BNIP5: variants seen among roughly 807,000 people sequenced by gnomAD.
BNIP5 encodes the protein BCL2 interacting protein 5, also known as protein BNIP5.
Under a neutral mutation model 67.3 loss-of-function variants are expected in BNIP5, and 61 were observed. The ratio of observed to expected loss-of-function variants is 0.91; its 90% CI spans 0.74 to 1.12. The LOEUF (loss-of-function observed/expected upper bound fraction) is 1.12, where lower values mean the gene tolerates loss of function less well. Among genes scored for constraint, BNIP5 ranks in the 50% most tolerant of loss-of-function variants. The probability of loss-of-function intolerance (pLI) is 0.00; values close to 1 mark genes in which losing one functional copy is unlikely to be tolerated. For synonymous variants in BNIP5, 317 were observed against 319.0 expected (o/e 0.99, Z 0.07); for missense variants, 826 against 816.3 (o/e 1.01, Z -0.14).
chr6:36,326,921 C>T, intron 4 of BNIP5, 109 bp downstream of exon 4: 11 of 1,393,052 alleles, frequency 7.9e-6, no homozygotes, highest in Non-Finnish European at 1.1e-5. Flanking sequence ...AAGGAGGCTT[C>T]AGGGAAGGAA....
chr6:36,330,866 C>T (rs560732696), intron 1 of BNIP5, among the ~76,000 whole-genome samples, 172 bp from the exon 2 acceptor site: 105 of 152,276 alleles, frequency 6.9e-4, no homozygotes, highest in African/African-American at 2.0e-3. Flanking sequence ...TGGGTTCAAG[C>T]GATTCTCCTG....
chr6:36,335,257 T>A (rs866770930), intron 1 of BNIP5, among the ~76,000 whole-genome samples: 2 of 152,316 alleles, frequency 1.3e-5, no homozygotes, highest in South Asian at 4.1e-4. Flanking sequence ...CTCTAACTGC[T>A]CTGGTGCCTT....
At chr6:36,333,874 G>T (rs1771957238) in intron 1 of BNIP5, among the ~76,000 whole-genome samples, 1 of 152,246 alleles carries the variant, frequency 6.6e-6, no homozygotes, top group Admixed American at 6.5e-5. Flanking sequence ...AGGGAAAATT[G>T]GATGGGGTTG....
intron 1 of BNIP5, among the ~76,000 whole-genome samples, chr6:36,333,186 G>A (rs963361082): frequency 2.0e-4 from 31 of 152,238 alleles, no homozygotes; most frequent in Admixed American, 1.2e-3. Context: ...GCACCAGTAT[G>A]GGAAGGAAAC....
chr6:36,320,828 G>A (rs1353225854), intron 10 of BNIP5, among the ~76,000 whole-genome samples: 1 of 152,202 alleles, frequency 6.6e-6, no homozygotes, highest in African/African-American at 2.4e-5. Context: ...CCAGGTGTGG[G>A]CGGAGGAGGC....
chr6:36,319,827 C>T (rs1323381044), intron 10 of BNIP5, among the ~76,000 whole-genome samples: 1 of 152,200 alleles, frequency 6.6e-6, no homozygotes, highest in Non-Finnish European at 1.5e-5. Context: ...GGTGGAAGTA[C>T]AGGTCTTTAG....
Position 36,328,627 on chromosome 6 carries a change from T to C in BNIP5, c.698A>G (p.Gln233Arg), listed in dbSNP as rs373728849. The C allele has an allele frequency of 3.1e-6, 5 of 1,613,794 alleles. No homozygotes were observed. Among genetic ancestry groups the C allele is most frequent in the Non-Finnish European group, 4.2e-6 (5 of 1,179,764 alleles). ...AGGCTTTTTGAGCTCCTCTTCTTGC[T>C]GATGACCTGTGGCATGGGGAGAAAC... is the stretch of plus-strand genomic sequence containing the variant. The part of the protein sequence containing the change: ...LDVSPHATGH[Q>R]QEEELKKPDQ... The change falls in exon 3 of 12, where the codon CAG (glutamine) becomes CGG (arginine). Residue 233 changes from glutamine (Q) to arginine (R), a missense_variant. Transcript: ENST00000437635.
In BNIP5 at chr6:36,330,446, C is replaced by G; in HGVS notation, c.245G>C (p.Gly82Ala). 1 of 1,614,204 alleles carries G rather than the reference C, an allele frequency of 6.2e-7. No homozygotes were observed. Among genetic ancestry groups the G allele is most frequent in the Non-Finnish European group, 8.5e-7 (1 of 1,180,028 alleles). The change falls in exon 2 of 12, where the codon GGA becomes GCA. Residue 82 changes from glycine (G) to alanine (A), a missense_variant. Gly to Ala is a moderately conservative substitution (Grantham distance 60). Coordinates refer to ENST00000437635, the MANE Select transcript of BNIP5 (RefSeq NM_001010903.5). ...CCTCTGCTCGCTGGGGAGAAAATCT[C>G]CGGTCTCCTCGGGAGTGGGGGCTGC... is the stretch of plus-strand genomic sequence containing the variant. ...TAAAPTPEET[G>A]DFLPSEQRPS...
intron 1 of BNIP5, among the ~76,000 whole-genome samples, chr6:36,336,032 C>T (rs974218660): frequency 4.6e-5 from 7 of 152,084 alleles, no homozygotes; most frequent in Non-Finnish European, 7.4e-5. Context: ...CCCATGCCCT[C>T]CCCACCCCAT....
At chr6:36,322,248 G>A in intron 9 of BNIP5, 63 bp downstream of exon 9, 7 of 1,600,876 alleles carry the variant, frequency 4.4e-6, no homozygotes, top group Non-Finnish European at 5.1e-6. Flanking sequence ...TTCAGCCTGT[G>A]AACTCCATGT....
chr6:36,321,971 G>A (rs1269093870), intron 9 of BNIP5, among the ~76,000 whole-genome samples: 2 of 152,238 alleles, frequency 1.3e-5, no homozygotes, highest in Non-Finnish European at 2.9e-5. Flanking sequence ...CTACAAAGTA[G>A]GGCATCCTTC....
rs189076774 is a variant in BNIP5, at chr6:36,322,401, C to G, written c.1513G>C (p.Gly505Arg). The G allele has an allele frequency of 3.7e-5, 60 of 1,614,084 alleles. No individual in the cohort carries two copies. The Admixed American group carries it at 8.7e-4, about 23-fold the overall frequency. Residue 505 changes from glycine to arginine, a missense_variant, in exon 9 of 12, where the codon GGG (glycine) becomes CGG (arginine). By Grantham distance (125) the Gly-to-Arg change is moderately radical (BLOSUM62 -2). Transcript: ENST00000437635. ...LECREPLPAE[G>R]EPVVISEAPS... The stretch of plus-strand genomic sequence containing the variant: ...GCTTCTGAGATCACAACTGGCTCCC[C>G]TTCTGCGGGCAGGGGCTCCCGGCAC...
chr6:36,326,889 G>A lies in BNIP5; in HGVS notation c.793-136C>T, dbSNP rs972192345. On this transcript the variant is annotated intron_variant, in intron 4 of 11. Coordinates refer to ENST00000437635, the MANE Select transcript of BNIP5 (RefSeq NM_001010903.5). ...GGCAGCAGAGCCCAGAGCAGGGGGA[G>A]GGCTGAGTTCTGAAGCTGCAGAAGG... 6.3e-6 allele frequency: 9 copies of A among 1,432,956 alleles called. No homozygotes were observed. In the African/African-American group the frequency reaches 1.3e-4, roughly 20 times the overall value. The allele number at this position is 1,432,956 out of a possible 1,614,324, so 88.8% of individuals were successfully genotyped here.
intron 5 of BNIP5, 24 bp from the exon 6 acceptor site, chr6:36,325,438 G>A (rs1021484247): frequency 1.3e-6 from 2 of 1,598,484 alleles, no homozygotes; most frequent in Non-Finnish European, 1.7e-6. Flanking sequence ...GGAGAACGAG[G>A]GTGTGTTTTG....
At chr6:36,332,026 T>C (rs1771918394) in intron 1 of BNIP5, among the ~76,000 whole-genome samples, 1 of 152,200 alleles carries the variant, frequency 6.6e-6, no homozygotes, top group African/African-American at 2.4e-5. Context: ...CCTTTGCAGC[T>C]GTGGGGGCTT....
At chr6:36,322,496 T>C (rs2127364169) in intron 8 of BNIP5, 54 bp from the exon 9 acceptor site, 3 of 1,570,874 alleles carry the variant, frequency 1.9e-6, no homozygotes, top group Non-Finnish European at 2.6e-6. Context: ...ATCTAGTTCC[T>C]GACAAGAAGC....
intron 11 of BNIP5, 77 bp from the exon 12 acceptor site, chr6:36,317,468 C>T: frequency 7.7e-7 from 1 of 1,304,280 alleles, no homozygotes; most frequent in Non-Finnish European, 1.1e-6. Context: ...AACAGACTTC[C>T]CATTATCCCA....
chr6:36,319,371 G>C lies in BNIP5; in HGVS notation c.1908C>G (p.Tyr636Ter). Residue 636 changes from tyrosine to a stop codon, truncating the protein, a stop_gained, in exon 11 of 12, where the codon TAC becomes TAG. Transcript: ENST00000437635. LOFTEE classifies it low-confidence loss of function (END_TRUNC). Reference sequence around the variant, plus strand: ...CCTCTCTCACCGGCTGGTCCTCCCTGTATGGGAACTGGGTGCAATTGTAGT... The same window carrying C: ...CCTCTCTCACCGGCTGGTCCTCCCTCTATGGGAACTGGGTGCAATTGTAGT... ...RDHYNCTQFP[Y>*]REDQPNITSP... 1 of 1,614,086 alleles carries C rather than the reference G, an allele frequency of 6.2e-7. No homozygotes were observed. The highest frequency in any genetic ancestry group is 8.5e-7 in the Non-Finnish European group (1 of 1,180,024).
chr6:36,327,131 A>G (rs1771783301), intron 3 of BNIP5, 37 bp from the exon 4 acceptor site: 1 of 1,569,104 alleles, frequency 6.4e-7, no homozygotes, highest in Non-Finnish European at 8.8e-7. Flanking sequence ...ATTCTTTCTA[A>G]ATGCACTGAC....
Sources: allele counts gnomAD v4.1 joint callset (sites outside exome capture counted in the v4.1 genomes callset), GRCh38; gene constraint gnomAD v4.1.1; transcripts MANE v1.5; gene names NCBI Gene and HGNC (gene_info 2026-07-23, HGNC 2026-07-21).